Variants in SASH1 observed in about 807,000 individuals in gnomAD.
SASH1 encodes the protein SAM and SH3 domain-containing protein 1.
In SASH1, 44 loss-of-function variants were observed where a neutral mutation model predicts 125.2. The observed-to-expected ratio is 0.35, with a 90% CI of 0.28 to 0.45. The LOEUF is 0.45. Among genes scored for constraint, SASH1 ranks in the 20% least tolerant of loss-of-function variants. The pLI is 1.00. For synonymous variants in SASH1, 639 were observed against 649.1 expected (o/e 0.98, Z 0.24); for missense variants, 1,426 against 1,614.5 (o/e 0.88, Z 2.00).
chr6:148,225,690 C>T, the SASH1 span, among the ~76,000 whole-genome samples: 34,713 of 151,878 alleles, frequency 0.23, 4,328 homozygotes, highest in East Asian at 0.39. Context: ...GTCCATGTAA[C>T]GAAAAACCGC....
intron 1 of SASH1, among the ~76,000 whole-genome samples, chr6:148,311,118 TC>T (rs1562318798): frequency 6.6e-6 from 1 of 151,276 alleles, no homozygotes; most frequent in Non-Finnish European, 1.5e-5. Context: ...TTCTTTTTTT[TC>T]CCCCCAAGAC....
At chr6:148,535,149 C>T (rs552041424) in intron 16 of SASH1, among the ~76,000 whole-genome samples, 4 of 152,342 alleles carry the variant, frequency 2.6e-5, no homozygotes, top group African/African-American at 9.6e-5. Flanking sequence ...TGTTCTTTCC[C>T]ATGCCAAGGT....
rs150194999 is a variant in SASH1 at position 148,443,075 on chromosome 6, G to A, written c.386+2668G>A. Among the ~76,000 whole-genome samples the A allele has an allele frequency of 4.2e-3, 621 of 147,702 alleles. 3 individuals carry two copies. The highest frequency in any genetic ancestry group is 6.9e-3 in the Middle Eastern group (2 of 288). ...ACAGGGATGAGCCACCGTGCCAGCT[G>A]TATTTGTTTTACTAATTGTCCCAAT... On this transcript the variant is annotated intron_variant, in intron 4 of 19. Coordinates refer to ENST00000367467, the MANE Select transcript of SASH1 (RefSeq NM_015278.5).
At chr6:148,262,068 C>T in the SASH1 span, among the ~76,000 whole-genome samples, 1 of 151,992 alleles carries the variant, frequency 6.6e-6, no homozygotes, top group African/African-American at 2.4e-5. Context: ...AAACACTGCA[C>T]TCTTCTCCAG....
chr6:148,417,741 A>G lies in SASH1; in HGVS notation c.286-22443A>G, dbSNP rs571813703. Among the ~76,000 whole-genome samples the G allele has an allele frequency of 2.6e-5, 4 of 152,304 alleles. No homozygotes were observed. The East Asian group carries it at 5.8e-4, about 22-fold the overall frequency. On this transcript the variant is annotated intron_variant, in intron 2 of 19. Coordinates refer to ENST00000367467, the MANE Select transcript of SASH1 (RefSeq NM_015278.5). ...TTGGTTTTTTTTAAAAAAAACTGGA[A>G]ATAGGCAAAGTTCCTACCTTATAAG...
intron 7 of SASH1, 54 bp downstream of exon 7, chr6:148,474,276 T>A (rs2115138515): frequency 3.5e-6 from 4 of 1,158,902 alleles, no homozygotes; most frequent in East Asian, 5.1e-5. Context: ...TTCTGAAGTG[T>A]AAAAATGTTT....
intron 1 of SASH1, among the ~76,000 whole-genome samples, chr6:148,276,391 C>A (rs1481537351): frequency 6.6e-6 from 1 of 152,066 alleles, no homozygotes; most frequent in Non-Finnish European, 1.5e-5. Context: ...TTGTGACTCA[C>A]CCCCTTCAGT....
chr6:148,292,597 C>T (rs921599969), intron 1 of SASH1, among the ~76,000 whole-genome samples: 2 of 152,112 alleles, frequency 1.3e-5, no homozygotes, highest in African/African-American at 2.4e-5. Context: ...ACTTAAACAC[C>T]GACTTTCATG....
At chr6:148,291,375 A>G (rs1779628116) in intron 1 of SASH1, among the ~76,000 whole-genome samples, 1 of 152,178 alleles carries the variant, frequency 6.6e-6, no homozygotes, top group South Asian at 2.1e-4. Flanking sequence ...TTTTTAAAAG[A>G]ATAGCTTTTA....
intron 1 of SASH1, among the ~76,000 whole-genome samples, chr6:148,285,053 A>G (rs914095536): frequency 3.3e-5 from 5 of 152,092 alleles, no homozygotes; most frequent in African/African-American, 1.2e-4. Context: ...AGCTAATGCC[A>G]CTCCGGACCT....
intron 8 of SASH1, among the ~76,000 whole-genome samples, chr6:148,500,358 CT>C (rs1779514483): frequency 6.6e-6 from 1 of 152,018 alleles, no homozygotes; most frequent in Admixed American, 6.6e-5. Context: ...TGCCTTTTCT[CT>C]CCTGAAACTG....
chr6:148,349,244 CTTT>C (rs1781626294), intron 1 of SASH1, among the ~76,000 whole-genome samples: 1 of 75,116 alleles, frequency 1.3e-5, no homozygotes, highest in Non-Finnish European at 2.4e-5. Context: ...ATTCTTTCTT[CTTT>C]CTTTCTTTTT....
chr6:148,523,124 A>G (rs1033995403), intron 10 of SASH1, among the ~76,000 whole-genome samples: 2 of 152,222 alleles, frequency 1.3e-5, no homozygotes, highest in Non-Finnish European at 2.9e-5. Context: ...ATTTCCACAT[A>G]AATTCTTTGT....
At chr6:148,228,825 T>C in the SASH1 span, among the ~76,000 whole-genome samples, 15 of 152,132 alleles carry the variant, frequency 9.9e-5, no homozygotes, top group Non-Finnish European at 4.4e-5. Flanking sequence ...CTACACTTAA[T>C]GACAGAGAAA....
At chr6:148,300,515 G>T (rs1280597417) in intron 1 of SASH1, among the ~76,000 whole-genome samples, 1 of 148,444 alleles carries the variant, frequency 6.7e-6, no homozygotes, top group African/African-American at 2.5e-5. Context: ...GTAGCGAGAT[G>T]TCGGCTCACT....
intron 8 of SASH1, among the ~76,000 whole-genome samples, chr6:148,491,305 C>T (rs548224375): frequency 5.9e-5 from 9 of 152,214 alleles, no homozygotes; most frequent in East Asian, 1.9e-4. Flanking sequence ...AGTCTCACTC[C>T]GTCGCTCAGG....
rs1013444565 is a variant in SASH1 at position 148,328,736 on chromosome 6, A to G, written n.74+56359A>G. On this transcript the variant is annotated intron_variant and non_coding_transcript_variant, in intron 1 of 3. Coordinates refer to the SASH1 transcript ENST00000367469. ...ATTGTGATTAGTTGGTCTAAATTAA[A>G]GTAGATTTATTTTTTGATTTACCAG... is the stretch of plus-strand genomic sequence containing the variant. Among the ~76,000 whole-genome samples, 2 of 152,324 alleles carry G rather than the reference A, an allele frequency of 1.3e-5. 1 individual carries two copies. Among genetic ancestry groups the G allele is most frequent in the Admixed American group, 1.3e-4 (2 of 15,294 alleles).
chr6:148,275,780 G>A (rs1397494433), intron 1 of SASH1, among the ~76,000 whole-genome samples: 1 of 152,212 alleles, frequency 6.6e-6, no homozygotes, highest in Non-Finnish European at 1.5e-5. Flanking sequence ...GGAATGCAGT[G>A]GCATGATCAT....
chr6:148,426,009 G>T (rs1235668772), intron 2 of SASH1, among the ~76,000 whole-genome samples: 1 of 152,044 alleles, frequency 6.6e-6, no homozygotes, highest in African/African-American at 2.4e-5. Flanking sequence ...AGGAGTTCGA[G>T]ACTAGCCTGG....
Sources: allele counts gnomAD v4.1 joint callset (sites outside exome capture counted in the v4.1 genomes callset), GRCh38; gene constraint gnomAD v4.1.1; transcripts MANE v1.5; gene names NCBI Gene and HGNC (gene_info 2026-07-23, HGNC 2026-07-21).